The following RNF144A variants were observed in gnomAD, a reference collection of about 807,000 sequenced individuals.
RNF144A encodes the protein ring finger protein 144A, also known as E3 ubiquitin-protein ligase RNF144A.
In RNF144A, 11 loss-of-function variants were observed where a neutral mutation model predicts 38.7. That is an observed-to-expected ratio of 0.28 (90% CI 0.18 to 0.47). RNF144A has a LOEUF of 0.47. Ranked by LOEUF, RNF144A falls within the 20% of genes least tolerant of loss-of-function variation. The pLI, the probability that RNF144A is intolerant of heterozygous loss-of-function variation, is 0.99. For synonymous variants in RNF144A, 149 were observed against 143.9 expected (o/e 1.04, Z -0.25); for missense variants, 316 against 377.2 (o/e 0.84, Z 1.34).
intron 7 of RNF144A, among the ~76,000 whole-genome samples, chr2:7,028,042 C>T (rs1481772529): frequency 6.6e-6 from 1 of 152,088 alleles, no homozygotes; most frequent in African/African-American, 2.4e-5. Context: ...CCCTGACGAG[C>T]CCCATAAGGC....
chr2:7,030,292 TGTGTG>T, intron 8 of RNF144A, 77 bp downstream of exon 8: 7 of 946,714 alleles, frequency 7.4e-6, no homozygotes, highest in Non-Finnish European at 1.2e-5. Flanking sequence ...TGTGTGTGTG[TGTGTG>T]TGTGTGTGTA....
intron 3 of RNF144A, among the ~76,000 whole-genome samples, chr2:6,998,927 C>T (rs1024671407): frequency 6.6e-6 from 1 of 152,244 alleles, no homozygotes; most frequent in African/African-American, 2.4e-5. Context: ...GCAGTCTCTG[C>T]AGTCGCCTGC....
Position 7,066,271 on chromosome 2 carries a change from C to T in RNF144A, c.735-1945C>T, listed in dbSNP as rs1019419196. On this transcript the variant is annotated intron_variant, in intron 6 of 6. Transcript: ENST00000432850. Reference sequence around the variant, plus strand: ...CCCAGCTAATTTTTTGTATTTTTAGCAGAGACGGGGTTTCACCGTGTTAGC... The same window carrying T: ...CCCAGCTAATTTTTTGTATTTTTAGTAGAGACGGGGTTTCACCGTGTTAGC... Among the ~76,000 whole-genome samples the T allele has an allele frequency of 4.6e-5, 7 of 151,758 alleles. No individual in the cohort carries two copies. The East Asian group carries it at 5.8e-4, about 13-fold the overall frequency.
At chr2:7,031,891 G>A (rs192273607) in intron 8 of RNF144A, among the ~76,000 whole-genome samples, 72 of 152,390 alleles carry the variant, frequency 4.7e-4, no homozygotes, top group Admixed American at 4.4e-3. Flanking sequence ...CCAACGGTAC[G>A]TCAGTGAGTT....
At chr2:7,059,020 G>A (rs1019085177) in intron 6 of RNF144A, among the ~76,000 whole-genome samples, 13 of 151,988 alleles carry the variant, frequency 8.6e-5, no homozygotes, top group Non-Finnish European at 1.9e-4. Flanking sequence ...GACATGGATT[G>A]AGAGAGGGTG....
chr2:7,012,338 G>A (rs1009223542), intron 3 of RNF144A, among the ~76,000 whole-genome samples: 5 of 152,328 alleles, frequency 3.3e-5, no homozygotes, highest in East Asian at 3.9e-4. Context: ...TCACAACAGC[G>A]CAGGAAGATG....
At position 7,041,613 on chromosome 2, in the gene RNF144A, G is replaced by A. The variant is rs1673049555; in HGVS notation, c.*1853G>A. Reference sequence around the variant, plus strand: ...AGGTGGGTGGCAACTCCACGCGGGAGTCATTGGCTGGGCTTGAGCCCTCAG... The same window carrying A: ...AGGTGGGTGGCAACTCCACGCGGGAATCATTGGCTGGGCTTGAGCCCTCAG... On this transcript the variant is annotated 3_prime_UTR_variant, in exon 9 of 9. Transcript: ENST00000320892. 1 of 985,830 alleles carries A rather than the reference G, an allele frequency of 1.0e-6. No homozygotes were observed. The highest frequency in any genetic ancestry group is 1.2e-6 in the Non-Finnish European group (1 of 829,988). 61.1% of individuals were successfully genotyped at this position (985,830 alleles called of 1,614,324 possible).
At chr2:6,996,775 G>T in intron 2 of RNF144A, 141 bp from the exon 3 acceptor site, 1 of 818,200 alleles carries the variant, frequency 1.2e-6, no homozygotes. Context: ...AAAATTCTCA[G>T]AACATCCAGA....
chr2:6,970,285 G>A (rs940784791), intron 2 of RNF144A, among the ~76,000 whole-genome samples: 1 of 152,170 alleles, frequency 6.6e-6, no homozygotes, highest in Non-Finnish European at 1.5e-5. Flanking sequence ...GTGAAAGTCA[G>A]TGGGTCTCAT....
intron 8 of RNF144A, among the ~76,000 whole-genome samples, chr2:7,033,263 C>T (rs925718517): frequency 8.5e-5 from 13 of 152,236 alleles, no homozygotes; most frequent in South Asian, 4.1e-4. Context: ...TGGCATCAGC[C>T]GGGGCAGCTC....
chr2:6,953,152 C>T (rs115611835), intron 2 of RNF144A, among the ~76,000 whole-genome samples: 3,737 of 152,154 alleles, frequency 0.025, 159 homozygotes, highest in African/African-American at 0.087. Context: ...CAGGGCTGGA[C>T]GCAGTGGCTC....
At chr2:6,993,596 G>A (rs1318974755) in intron 2 of RNF144A, among the ~76,000 whole-genome samples, 1 of 152,156 alleles carries the variant, frequency 6.6e-6, no homozygotes, top group African/African-American at 2.4e-5. Flanking sequence ...GGATTCCAGG[G>A]CCCTCTGTGG....
chr2:6,922,359 T>C (rs895980711), intron 1 of RNF144A, among the ~76,000 whole-genome samples: 2 of 152,196 alleles, frequency 1.3e-5, no homozygotes, highest in African/African-American at 4.8e-5. Flanking sequence ...GTCCTGAAAG[T>C]GGATGTTGTC....
chr2:6,972,502 G>A (rs1418812272), intron 2 of RNF144A, among the ~76,000 whole-genome samples: 1 of 152,188 alleles, frequency 6.6e-6, no homozygotes, highest in Non-Finnish European at 1.5e-5. Context: ...TGTTCCTTGA[G>A]CTAATTGCTG....
At chr2:6,964,173 G>T (rs2103334810) in intron 2 of RNF144A, among the ~76,000 whole-genome samples, 1 of 152,202 alleles carries the variant, frequency 6.6e-6, no homozygotes, top group Admixed American at 6.5e-5. Context: ...CATGTCCTTT[G>T]CCCACTTTTT....
chr2:7,069,762 G>A (rs1674390260), downstream of RNF144A, among the ~76,000 whole-genome samples: 1 of 152,208 alleles, frequency 6.6e-6, no homozygotes, highest in Non-Finnish European at 1.5e-5. Flanking sequence ...GCCTATATTA[G>A]AGAAGCTTGT....
chr2:7,075,401 A>T, the RNF144A span, among the ~76,000 whole-genome samples: 1 of 152,148 alleles, frequency 6.6e-6, no homozygotes, highest in East Asian at 1.9e-4. Flanking sequence ...CTATGGATTG[A>T]ACATCTCTCC....
rs528921659 is a variant in RNF144A at position 7,065,862 on chromosome 2, G to A, written c.735-2354G>A. 1.4e-3 allele frequency among the ~76,000 whole-genome samples: 213 copies of A among 152,320 alleles called. 2 individuals are homozygous for A. In the South Asian group the frequency reaches 0.018, roughly 13 times the overall value. ...TACTTTAAAAATACAGGCTTCTGCT[G>A]AAAACTTTAAGATCACACCAGCGGA... On this transcript the variant is annotated intron_variant, in intron 6 of 6. Transcript: ENST00000432850.
At chr2:7,003,779 C>T (rs770102723) in intron 3 of RNF144A, among the ~76,000 whole-genome samples, 1 of 152,232 alleles carries the variant, frequency 6.6e-6, no homozygotes, top group Non-Finnish European at 1.5e-5. Context: ...TGCTTTGCCA[C>T]CTGCCATGTG....
Sources: allele counts gnomAD v4.1 joint callset (sites outside exome capture counted in the v4.1 genomes callset), GRCh38; gene constraint gnomAD v4.1.1; transcripts MANE v1.5; gene names NCBI Gene and HGNC (gene_info 2026-07-23, HGNC 2026-07-21).